Variants in CDK12 observed in about 807,000 individuals in gnomAD.
CDK12 encodes the protein cyclin-dependent kinase 12.
Under a neutral mutation model 133.8 loss-of-function variants are expected in CDK12, and 17 were observed. That is an observed-to-expected ratio of 0.13 (90% CI 0.09 to 0.19). The LOEUF is 0.19. Among genes scored for constraint, CDK12 ranks in the 10% least tolerant of loss-of-function variants. The pLI is 1.00. For missense variants in CDK12, 1,508 were observed against 1,818.7 expected, an observed-to-expected ratio of 0.83 and a Z score of 3.11; for synonymous variants, 694 against 683.6, an observed-to-expected ratio of 1.02 and a Z score of -0.24.
At chr17:39,484,082 G>A (rs1567710732) in intron 2 of CDK12, among the ~76,000 whole-genome samples, 1 of 152,108 alleles carries the variant, frequency 6.6e-6, no homozygotes, top group Non-Finnish European at 1.5e-5. Context: ...GGCCTTAAGT[G>A]ATATGCCTAC....
At chr17:39,500,088 G>A (rs1403621295) in intron 5 of CDK12, among the ~76,000 whole-genome samples, 1 of 152,172 alleles carries the variant, frequency 6.6e-6, no homozygotes, top group Non-Finnish European at 1.5e-5. Flanking sequence ...CAGCATTTTG[G>A]GATGTTGGGG....
chr17:39,482,909 ATTTTTTTT>A (rs56026321), intron 2 of CDK12, among the ~76,000 whole-genome samples: 1 of 138,930 alleles, frequency 7.2e-6, no homozygotes, highest in African/African-American at 2.7e-5. Flanking sequence ...CCTCAACTAA[ATTTTTTTT>A]TTTTTTTTTT....
chr17:39,516,520 C>T (rs1301572688), intron 9 of CDK12, among the ~76,000 whole-genome samples: 8 of 151,564 alleles, frequency 5.3e-5, no homozygotes, highest in Non-Finnish European at 1.0e-4. Flanking sequence ...AGCTATTTTT[C>T]GTTCATTTGT....
chr17:39,534,175 CATCAAATCTATACGTTTA>C lies in CDK12; in HGVS notation c.*2861_*2878del, dbSNP rs2055025199. 1 of 232,612 alleles carries C rather than the reference CATCAAATCTATACGTTTA, an allele frequency of 4.3e-6. No individual in the cohort carries two copies. Among genetic ancestry groups the C allele is most frequent in the South Asian group, 1.8e-4 (1 of 5,524 alleles). The allele number at this position is 232,612 out of a possible 1,614,324, so 14.4% of individuals were successfully genotyped here. ...AGGAACGATAAGTATTTGAAAGCAACATCAAATCTATACGTTTAAAGCAGGGCAGTTAGCACAAATTTG... is the reference window on the plus strand; with the variant it reads ...AGGAACGATAAGTATTTGAAAGCAACAAGCAGGGCAGTTAGCACAAATTTG... On this transcript the variant is annotated 3_prime_UTR_variant, in exon 14 of 14. Transcript: ENST00000447079.
chr17:39,477,578 T>TA (rs1567698359), intron 2 of CDK12, among the ~76,000 whole-genome samples: 127 of 148,460 alleles, frequency 8.6e-4, no homozygotes, highest in African/African-American at 2.9e-3. Context: ...TTATTTATTT[T>TA]TTTTTTTTTT....
At chr17:39,516,660 C>CTTT (rs900007701) in intron 9 of CDK12, among the ~76,000 whole-genome samples, 4 of 116,016 alleles carry the variant, frequency 3.4e-5, no homozygotes, top group Non-Finnish European at 5.3e-5. Flanking sequence ...CTAATGCAGA[C>CTTT]TTTTTTTTTT....
At chr17:39,491,988 G>C (rs1480447411) in intron 3 of CDK12, among the ~76,000 whole-genome samples, 1 of 149,090 alleles carries the variant, frequency 6.7e-6, no homozygotes, top group Non-Finnish European at 1.5e-5. Flanking sequence ...TTAGCTGGGC[G>C]GGGTGGCGCC....
chr17:39,524,677 C>A lies in CDK12; in HGVS notation c.3099C>A (p.Leu1033=). ...CCTTTGCTTTGTCTTTTTCCAGCCT[C>A]CCCCACTGGCAGGATTGCCATGAGT... ...VELSKMAPPD[L]PHWQDCHELW... The change falls in exon 12 of 14, where the codon CTC becomes CTA. Residue 1033 remains leucine, a synonymous_variant. Coordinates refer to ENST00000447079, the MANE Select transcript of CDK12 (RefSeq NM_016507.4). 1 of 1,613,926 alleles carries A rather than the reference C, an allele frequency of 6.2e-7. No homozygotes were observed. Among genetic ancestry groups the A allele is most frequent in the Non-Finnish European group, 8.5e-7 (1 of 1,179,826 alleles).
At chr17:39,563,669 A>G (rs2056469835) in intron 3 of CDK12, among the ~76,000 whole-genome samples, 3 of 152,216 alleles carry the variant, frequency 2.0e-5, no homozygotes, top group East Asian at 3.9e-4. Context: ...CCGGCTTCGC[A>G]GCACCGCCTG....
intron 3 of CDK12, among the ~76,000 whole-genome samples, chr17:39,563,686 G>A (rs1299108181): frequency 1.3e-5 from 2 of 152,140 alleles, no homozygotes; most frequent in Non-Finnish European, 2.9e-5. Context: ...CCTGCGGAAA[G>A]AGCGCAGGAT....
At chr17:39,564,140 C>A (rs1332881208) in intron 3 of CDK12, among the ~76,000 whole-genome samples, 2 of 152,148 alleles carry the variant, frequency 1.3e-5, no homozygotes, top group East Asian at 3.9e-4. Flanking sequence ...TCAGAGGATA[C>A]CTGGAGGACC....
At chr17:39,496,558 G>C (rs1420723320) in intron 5 of CDK12, among the ~76,000 whole-genome samples, 1 of 152,022 alleles carries the variant, frequency 6.6e-6, no homozygotes, top group Non-Finnish European at 1.5e-5. Context: ...TAATTAGCTG[G>C]GCATGGTGGC....
chr17:39,555,229 G>A (rs1221484380), intron 2 of CDK12, among the ~76,000 whole-genome samples: 4 of 152,086 alleles, frequency 2.6e-5, no homozygotes, highest in African/African-American at 7.2e-5. Context: ...CTCCAGCCTG[G>A]GCAACAGAGC....
chr17:39,484,393 A>G (rs919267835), intron 2 of CDK12, among the ~76,000 whole-genome samples: 1 of 152,174 alleles, frequency 6.6e-6, no homozygotes, highest in Non-Finnish European at 1.5e-5. Flanking sequence ...TGACTTTTCA[A>G]GTAATGACTG....
rs748291222 is a variant in CDK12, at chr17:39,462,900, C to A, written c.829C>A (p.Pro277Thr). ...TACCTCGAGAAGGCAGTCGGTCAGT[C>A]CCCCTTACAAGGAGCCTTCGGCCTA... The part of the protein sequence containing the change: ...GSTSRRQSVS[P>T]PYKEPSAYQS... Residue 277 changes from proline to threonine, a missense_variant, in exon 1 of 14, where the codon CCC becomes ACC. Physicochemically the swap from Pro to Thr is conservative, Grantham distance 38. Coordinates refer to ENST00000447079, the MANE Select transcript of CDK12 (RefSeq NM_016507.4). 15 of 1,614,168 alleles carry A rather than the reference C, an allele frequency of 9.3e-6. No individual in the cohort carries two copies. The highest frequency in any genetic ancestry group is 1.3e-5 in the Non-Finnish European group (15 of 1,180,012).
rs1191853065 is a variant in CDK12, at chr17:39,462,088, G to C, written c.17G>C (p.Arg6Thr). 1.2e-6 allele frequency: 2 copies of C among 1,614,008 alleles called. No individual in the cohort carries two copies. Among genetic ancestry groups the C allele is most frequent in the Non-Finnish European group, 8.5e-7 (1 of 1,179,898 alleles). Residue 6 changes from arginine to threonine, a missense_variant, in exon 1 of 14, where the codon AGA becomes ACA. Physicochemically the swap from Arg to Thr is moderately conservative, Grantham distance 71. Coordinates refer to ENST00000447079, the MANE Select transcript of CDK12 (RefSeq NM_016507.4). The part of the protein sequence containing the change: MPNSE[R>T]HGGKKDGSGG... ...GGAAAGGGAATGCCCAATTCAGAGAGACATGGGGGCAAGAAGGACGGGAGT... is the reference window on the plus strand; with the variant it reads ...GGAAAGGGAATGCCCAATTCAGAGACACATGGGGGCAAGAAGGACGGGAGT...
In CDK12 at chr17:39,461,744, C is replaced by A; in HGVS notation, c.-328C>A. 5.3e-6 allele frequency: 2 copies of A among 375,692 alleles called. No individual in the cohort carries two copies. Among genetic ancestry groups the A allele is most frequent in the Non-Finnish European group, 9.8e-6 (2 of 204,836 alleles). 23.3% of individuals were successfully genotyped at this position (375,692 alleles called of 1,614,324 possible). On this transcript the variant is annotated 5_prime_UTR_variant, in exon 1 of 14. Coordinates refer to ENST00000447079, the MANE Select transcript of CDK12 (RefSeq NM_016507.4). ...CTCCACAGCCCCGGGCCGTCGGCTTCTCACTTCCTGGACCTCCCCGGCGCC... is the reference window on the plus strand; with the variant it reads ...CTCCACAGCCCCGGGCCGTCGGCTTATCACTTCCTGGACCTCCCCGGCGCC...
intron 2 of CDK12, among the ~76,000 whole-genome samples, chr17:39,482,620 T>TTTTTTTTTTTTG (rs2050807128): frequency 6.9e-6 from 1 of 145,958 alleles, no homozygotes. Context: ...TTTTTTTTTT[T>TTTTTTTTTTTTG]GAGGCAGAGT....
At position 39,532,927 on chromosome 17, in the gene CDK12, A is replaced by T. The variant is rs956785536; in HGVS notation, c.*1611A>T. 3 of 233,010 alleles carry T rather than the reference A, an allele frequency of 1.3e-5. No individual in the cohort carries two copies. Among genetic ancestry groups the T allele is most frequent in the Non-Finnish European group, 2.5e-5 (3 of 117,912 alleles). 14.4% of individuals were successfully genotyped at this position (233,010 alleles called of 1,614,324 possible). A position where few individuals can be genotyped will look rare whatever the true frequency, so the allele number is the denominator to read the frequency against. ...TCTGCACAGACTTAGACCTTCAGGA[A>T]ACATAGGTTAAGCCCCCTTTTACAA... On this transcript the variant is annotated 3_prime_UTR_variant, in exon 14 of 14. Coordinates refer to ENST00000447079, the MANE Select transcript of CDK12 (RefSeq NM_016507.4).
Sources: gnomAD v4.1 joint callset for allele counts (sites outside exome capture counted in the v4.1 genomes callset) on GRCh38, gnomAD v4.1.1 for gene constraint, MANE v1.5 for transcripts, NCBI Gene and HGNC (gene_info 2026-07-23, HGNC 2026-07-21) for gene names.